Variants in PRSS27 observed in about 807,000 individuals in gnomAD.
The protein encoded by PRSS27 is channel-activating protease 2.
A neutral mutation model predicts 32.0 loss-of-function variants in PRSS27; 25 were observed. The observed-to-expected ratio is 0.78, with a 90% CI of 0.57 to 1.09. PRSS27 has a LOEUF of 1.09. PRSS27 is among the 50% of genes least tolerant of loss of function. The pLI, the probability that PRSS27 is intolerant of heterozygous loss-of-function variation, is 0.00. For missense variants in PRSS27, 401 were observed against 394.9 expected, an observed-to-expected ratio of 1.02 and a Z score of -0.13; for synonymous variants, 178 against 172.2, an observed-to-expected ratio of 1.03 and a Z score of -0.26.
intron 3 of PRSS27, chr16:2,715,517 G>T: frequency 2.0e-6 from 1 of 512,284 alleles, no homozygotes. Flanking sequence ...CACCTCCCGC[G>T]GGCGGGAGCA....
At chr16:2,719,348 G>A (rs550538130) in intron 1 of PRSS27, among the ~76,000 whole-genome samples, 1 of 152,192 alleles carries the variant, frequency 6.6e-6, no homozygotes, top group Admixed American at 6.5e-5. Flanking sequence ...CTGGAGTACT[G>A]GCTAAGCTGC....
intron 2 of PRSS27, 180 bp from the exon 3 acceptor site, chr16:2,716,060 C>A (rs142804576): frequency 7.0e-6 from 4 of 569,872 alleles, no homozygotes; most frequent in African/African-American, 5.7e-5. Context: ...CCCTCCCCAG[C>A]TGCCCCCCAA....
Position 2,714,313 on chromosome 16 carries a change from TG to T in PRSS27, c.259del (p.Gln87ArgfsTer9). 8 of 1,613,128 alleles carry T rather than the reference TG, an allele frequency of 5.0e-6. No homozygotes were observed. The highest frequency in any genetic ancestry group is 6.8e-6 in the Non-Finnish European group (8 of 1,179,984). On this transcript the variant is annotated frameshift_variant, in exon 4 of 6. Transcript: ENST00000302641. LOFTEE classifies it high-confidence loss of function. This position sits in a 1 kb window ranked among gnomAD's most constrained non-coding sequence, Gnocchi z 4.7. ...TAGCTGCCTTGCCCCCAGCAGGACC[TG>T]GTACAGGGACGTCTCAGAGGTGCTG... Reference protein sequence around the residue: ...FRNTSETSLYQVLLGARQLVQ... With the variant: ...FRNTSETSLYXVLLGARQLVQ...
Position 2,715,843 on chromosome 16 carries a change from G to A in PRSS27, c.111C>T (p.Gly37=). ...ACTCGCCCTCCTGCGTGTCCTGCCC[G>A]CCCACCATTCGGTTCAGCATCCTGG... is the stretch of plus-strand genomic sequence containing the variant. ...GRPRMLNRMV[G]GQDTQEGEWP... Residue 37 remains glycine (G), a synonymous_variant, in exon 3 of 6, where the codon GGC becomes GGT. Transcript: ENST00000302641. The A allele has an allele frequency of 1.2e-6, 2 of 1,600,584 alleles. No individual in the cohort carries two copies. The highest frequency in any genetic ancestry group is 2.2e-5 in the South Asian group (2 of 89,978).
At chr16:2,716,690 C>T (rs1408527460) in intron 1 of PRSS27, 164 bp from the exon 2 acceptor site, 4 of 682,516 alleles carry the variant, frequency 5.9e-6, no homozygotes, top group South Asian at 1.7e-5. Context: ...AGTTTCCCCC[C>T]CAGGGCTGGC....
rs2067700493 is a variant in PRSS27 at position 2,716,061 on chromosome 16, T to G, written c.74-181A>C. On this transcript the variant is annotated intron_variant, in intron 2 of 5. Coordinates refer to ENST00000302641, the MANE Select transcript of PRSS27 (RefSeq NM_031948.5). Reference sequence around the variant, plus strand: ...GGGATACAGGCAGACCCTCCCCAGCTGCCCCCCAAAGTCTCACTCTCCTCG... The same window carrying G: ...GGGATACAGGCAGACCCTCCCCAGCGGCCCCCCAAAGTCTCACTCTCCTCG... 3 of 563,338 alleles carry G rather than the reference T, an allele frequency of 5.3e-6. No homozygotes were observed. In the African/African-American group the frequency reaches 5.7e-5, roughly 11 times the overall value. 34.9% of individuals were successfully genotyped at this position (563,338 alleles called of 1,614,324 possible).
At position 2,714,030 on chromosome 16, in the gene PRSS27, A is replaced by T; in HGVS notation, c.508+35T>A. ...AAGCCGTCCTGGGCCTTCTTGAGGC[A>T]TATCCCCCATTCTTTCCCAGCCCTG... On this transcript the variant is annotated intron_variant, in intron 4 of 5. Coordinates refer to ENST00000302641, the MANE Select transcript of PRSS27 (RefSeq NM_031948.5). This position sits in a 1 kb window ranked among gnomAD's most constrained non-coding sequence, Gnocchi z 4.7. 6.4e-7 allele frequency: 1 copy of T among 1,569,830 alleles called. No homozygotes were observed. The highest frequency in any genetic ancestry group is 8.6e-7 in the Non-Finnish European group (1 of 1,156,504).
Position 2,712,488 on chromosome 16 carries a change from A to G in PRSS27, c.*132T>C. The G allele has an allele frequency of 1.4e-6, 1 of 698,976 alleles. No homozygotes were observed. Among genetic ancestry groups the G allele is most frequent in the Non-Finnish European group, 2.3e-6 (1 of 431,552 alleles). 43.3% of individuals were successfully genotyped at this position (698,976 alleles called of 1,614,324 possible). On this transcript the variant is annotated 3_prime_UTR_variant, in exon 6 of 6. Coordinates refer to ENST00000302641, the MANE Select transcript of PRSS27 (RefSeq NM_031948.5). This position sits in a 1 kb window ranked among gnomAD's most constrained non-coding sequence, Gnocchi z 4.6. The stretch of plus-strand genomic sequence containing the variant: ...AATAAGGGTATTTGAGAGGGGAGGA[A>G]GGAGCGCTATTTACAAATGAGTCTG...
intron 2 of PRSS27, chr16:2,716,161 C>G: frequency 1.8e-6 from 1 of 556,998 alleles, no homozygotes; most frequent in South Asian, 2.5e-5. Flanking sequence ...GGGTCTTGTC[C>G]CAGGGCCTGA....
At chr16:2,719,627 G>T (rs1176334806) in intron 1 of PRSS27, among the ~76,000 whole-genome samples, 1 of 152,148 alleles carries the variant, frequency 6.6e-6, no homozygotes, top group Non-Finnish European at 1.5e-5. Flanking sequence ...CCTGCCCCCA[G>T]CTCTCTACTG....
At position 2,715,722 on chromosome 16, in the gene PRSS27, G is replaced by T; in HGVS notation, c.232C>A (p.Arg78Ser). The change falls in exon 3 of 6, where the codon CGC becomes AGC. Residue 78 changes from arginine (R) to serine (S), a missense_variant. Physicochemically the swap from Arg to Ser is moderately radical, Grantham distance 110. Coordinates refer to ENST00000302641, the MANE Select transcript of PRSS27 (RefSeq NM_031948.5). ...QWVLTAAHCF[R>S]NTSETSLYQV... Reference sequence around the variant, plus strand: ...GGCAGGGGCGGGCGGACTCACTTGCGGAAGCAGTGCGCAGCCGTCAGGACC... The same window carrying T: ...GGCAGGGGCGGGCGGACTCACTTGCTGAAGCAGTGCGCAGCCGTCAGGACC... The T allele has an allele frequency of 6.5e-7, 1 of 1,539,472 alleles. No individual in the cohort carries two copies.
At chr16:2,713,493 G>A in intron 5 of PRSS27, 36 bp downstream of exon 5, 1 of 1,609,614 alleles carries the variant, frequency 6.2e-7, no homozygotes, top group Non-Finnish European at 8.5e-7. Flanking sequence ...CCTGGCGGTG[G>A]GGACTGAGTC....
At chr16:2,716,774 G>C (rs2067704938) in intron 1 of PRSS27, 1 of 554,454 alleles carries the variant, frequency 1.8e-6, no homozygotes, top group Non-Finnish European at 3.2e-6. Context: ...GCCACATGGG[G>C]AGCCGGTCAG....
chr16:2,715,751 T>A lies in PRSS27; in HGVS notation c.203A>T (p.Gln68Leu). ...GCAGTGCGCAGCCGTCAGGACCCAC[T>A]GCTCCGCGATGAGGCTGCCCCCGCA... is the stretch of plus-strand genomic sequence containing the variant. ...HFCGGSLIAEQWVLTAAHCFR... is the reference protein window; with the variant it reads ...HFCGGSLIAELWVLTAAHCFR... Residue 68 changes from glutamine to leucine, a missense_variant, in exon 3 of 6, where the codon CAG (glutamine) becomes CTG (leucine). Physicochemically the swap from Gln to Leu is moderately radical, Grantham distance 113. Transcript: ENST00000302641. 2.5e-6 allele frequency: 4 copies of A among 1,575,998 alleles called. No individual in the cohort carries two copies. The highest frequency in any genetic ancestry group is 3.4e-6 in the Non-Finnish European group (4 of 1,165,264).
intron 1 of PRSS27, chr16:2,718,154 C>G (rs1432434317): frequency 6.6e-6 from 1 of 152,246 alleles, no homozygotes; most frequent in African/African-American, 2.4e-5. Flanking sequence ...TGCTCCCTGC[C>G]TGAGCACTGC....
At position 2,714,680 on chromosome 16, in the gene PRSS27, GC is replaced by G. The variant is rs1567200012; in HGVS notation, c.237-345del. On this transcript the variant is annotated intron_variant, in intron 3 of 5. Transcript: ENST00000302641. The surrounding 1 kb of genome is among the most constrained non-coding windows in gnomAD (Gnocchi z 4.7). ...AGAACCACCCTCCAGGTGCAGCAGG[GC>G]CAGCCCCACCTGCGGGCCTCTGGCA... 3 of 317,982 alleles carry G rather than the reference GC, an allele frequency of 9.4e-6. No individual in the cohort carries two copies. In the South Asian group the frequency reaches 9.7e-5, roughly 10 times the overall value. The allele number at this position is 317,982 out of a possible 1,614,324, so 19.7% of individuals were successfully genotyped here.
At chr16:2,713,915 G>T in intron 4 of PRSS27, 150 bp downstream of exon 4, 1 of 1,025,656 alleles carries the variant, frequency 9.7e-7, no homozygotes, top group Non-Finnish European at 1.4e-6. Context: ...TGGGTCTGCT[G>T]CTGCTCCCCT....
chr16:2,713,408 C>G lies in PRSS27; in HGVS notation c.678+121G>C, dbSNP rs755901645. ...CCACCACACCCGGCCCTGGAATCTG[C>G]CTTTTCAAAACAAGCTGCTCAGCTG... On this transcript the variant is annotated intron_variant, in intron 5 of 5. Coordinates refer to ENST00000302641, the MANE Select transcript of PRSS27 (RefSeq NM_031948.5). 4.5e-6 allele frequency: 5 copies of G among 1,116,870 alleles called. No homozygotes were observed. In the African/African-American group the frequency reaches 4.6e-5, roughly 10 times the overall value. The allele number at this position is 1,116,870 out of a possible 1,614,324, so 69.2% of individuals were successfully genotyped here. A position where few individuals can be genotyped will look rare whatever the true frequency, so the allele number is the denominator to read the frequency against.
chr16:2,712,953 T>C lies in PRSS27; in HGVS notation c.679-139A>G, dbSNP rs1370186163. On this transcript the variant is annotated intron_variant, in intron 5 of 5. Coordinates refer to ENST00000302641, the MANE Select transcript of PRSS27 (RefSeq NM_031948.5). The surrounding 1 kb of genome is among the most constrained non-coding windows in gnomAD (Gnocchi z 4.6). ...CCTCTCTGCCCGGCTCCCCATCCCC[T>C]GCCAGTCCGATTGTCTAAAGTGCCT... 1 of 664,952 alleles carries C rather than the reference T, an allele frequency of 1.5e-6. No individual in the cohort carries two copies. Among genetic ancestry groups the C allele is most frequent in the Non-Finnish European group, 2.5e-6 (1 of 402,604 alleles). The allele number at this position is 664,952 out of a possible 1,614,324, so 41.2% of individuals were successfully genotyped here.
Sources: allele counts gnomAD v4.1 joint callset (sites outside exome capture counted in the v4.1 genomes callset), GRCh38; gene constraint gnomAD v4.1.1; non-coding constraint Gnocchi (gnomAD v3.1); transcripts MANE v1.5; gene names NCBI Gene and HGNC (gene_info 2026-07-23, HGNC 2026-07-21).